Variants in LINGO2 observed in about 807,000 individuals in gnomAD.
LINGO2 encodes leucine-rich repeat and immunoglobulin-like domain-containing nogo receptor-interacting protein 2.
A neutral mutation model predicts 30.6 loss-of-function variants in LINGO2; 14 were observed. The observed-to-expected ratio is 0.46, with a 90% CI of 0.30 to 0.72. The LOEUF (loss-of-function observed/expected upper bound fraction) is 0.72, where lower values mean the gene tolerates loss of function less well. Ranked by LOEUF, LINGO2 falls within the 30% of genes least tolerant of loss-of-function variation. The pLI, the probability that LINGO2 is intolerant of heterozygous loss-of-function variation, is 0.07. For missense variants in LINGO2, 729 were observed against 751.7 expected (o/e 0.97, Z 0.35); for synonymous variants, 317 against 288.5 (o/e 1.10, Z -1.00).
chr9:28,432,136 A>C (rs1048766604), intron 2 of LINGO2, among the ~76,000 whole-genome samples: 1 of 152,166 alleles, frequency 6.6e-6, no homozygotes, highest in Admixed American at 6.6e-5. Flanking sequence ...CTGCCTGGAA[A>C]GGTCAGAAGA....
chr9:28,286,725 C>A (rs924157316), intron 4 of LINGO2, among the ~76,000 whole-genome samples: 1 of 152,106 alleles, frequency 6.6e-6, no homozygotes, highest in Non-Finnish European at 1.5e-5. Flanking sequence ...AACCAAACAC[C>A]TCATGTTCTC....
intron 4 of LINGO2, among the ~76,000 whole-genome samples, chr9:28,188,368 T>G (rs765823352): frequency 6.6e-6 from 1 of 152,184 alleles, no homozygotes; most frequent in East Asian, 1.9e-4. Context: ...CAGCAGCTCC[T>G]GACTTGCACA....
At chr9:28,372,500 C>T (rs1820942579) in intron 3 of LINGO2, among the ~76,000 whole-genome samples, 2 of 152,092 alleles carry the variant, frequency 1.3e-5, no homozygotes, top group Non-Finnish European at 2.9e-5. Flanking sequence ...GTTATAGAGG[C>T]TGGCTGTTGG....
At position 28,024,188 on chromosome 9, in the gene LINGO2, T is replaced by TAC. The variant is rs1823267824; in HGVS notation, c.-86-11785_-86-11784dup. ...AGAAATAACCATGCATTTCTGGTGA[T>TAC]ACCTTTAAGCAAATCAGCATGATTT... On this transcript the variant is annotated intron_variant, in intron 4 of 5. Transcript: ENST00000379992. 2.6e-5 allele frequency among the ~76,000 whole-genome samples: 4 copies of TAC among 152,218 alleles called. No individual in the cohort carries two copies. The South Asian group carries it at 6.2e-4, about 24-fold the overall frequency.
At chr9:28,995,125 C>T in the LINGO2 span, among the ~76,000 whole-genome samples, 3 of 151,960 alleles carry the variant, frequency 2.0e-5, no homozygotes, top group African/African-American at 7.3e-5. Flanking sequence ...ACTCATCTGA[C>T]AAAAGGCTAA....
intron 1 of LINGO2, among the ~76,000 whole-genome samples, chr9:28,604,914 T>C (rs1825637439): frequency 6.6e-6 from 1 of 152,038 alleles, no homozygotes; most frequent in African/African-American, 2.4e-5. Context: ...TAAGTACTCT[T>C]GCAAACATGC....
intron 1 of LINGO2, among the ~76,000 whole-genome samples, chr9:28,496,910 T>A (rs1053981243): frequency 3.3e-5 from 5 of 152,126 alleles, no homozygotes; most frequent in African/African-American, 9.7e-5. Flanking sequence ...TTTCTCCTTC[T>A]CTTAAGAAGC....
At chr9:28,046,362 AC>A (rs1170426354) in intron 4 of LINGO2, among the ~76,000 whole-genome samples, 1 of 152,162 alleles carries the variant, frequency 6.6e-6, no homozygotes, top group East Asian at 1.9e-4. Flanking sequence ...TAAGATTCAG[AC>A]TGGTGGACCC....
intron 4 of LINGO2, among the ~76,000 whole-genome samples, chr9:28,133,461 C>T (rs1232711317): frequency 1.3e-5 from 2 of 152,142 alleles, no homozygotes; most frequent in African/African-American, 4.8e-5. Context: ...GGAAAAAAGT[C>T]TGGACTAGAG....
At chr9:28,473,961 G>T in intron 2 of LINGO2, among the ~76,000 whole-genome samples, 1 of 152,006 alleles carries the variant, frequency 6.6e-6, no homozygotes, top group East Asian at 1.9e-4. Flanking sequence ...GCATCATTTT[G>T]AGAAAAATTC....
downstream of LINGO2, chr9:27,944,554 A>G (rs931685060): frequency 6.6e-6 from 1 of 152,146 alleles, no homozygotes; most frequent in Non-Finnish European, 1.5e-5. Flanking sequence ...TCATTCCTCA[A>G]AACTTTCTAT....
the LINGO2 span, among the ~76,000 whole-genome samples, chr9:28,897,385 A>G: frequency 6.6e-6 from 1 of 152,104 alleles, no homozygotes; most frequent in Admixed American, 6.6e-5. Flanking sequence ...AGAAATCTAC[A>G]CTTTCCAGCC....
At chr9:27,942,136 G>T in the LINGO2 span, 3 of 152,286 alleles carry the variant, frequency 2.0e-5, no homozygotes, top group South Asian at 2.1e-4. Flanking sequence ...ATGCCCATCA[G>T]GTTGAACTAT....
At chr9:28,955,697 C>G in the LINGO2 span, among the ~76,000 whole-genome samples, 1 of 152,096 alleles carries the variant, frequency 6.6e-6, no homozygotes, top group Non-Finnish European at 1.5e-5. Flanking sequence ...TTCAGGAGAA[C>G]TAAACATATA....
At chr9:28,539,551 T>C (rs1305434626) in intron 1 of LINGO2, among the ~76,000 whole-genome samples, 1 of 152,084 alleles carries the variant, frequency 6.6e-6, no homozygotes, top group Admixed American at 6.6e-5. Context: ...AACCTTGTAA[T>C]GAAATCCTCA....
At chr9:28,394,938 A>T (rs1821979633) in intron 2 of LINGO2, among the ~76,000 whole-genome samples, 1 of 152,256 alleles carries the variant, frequency 6.6e-6, no homozygotes, top group African/African-American at 2.4e-5. Flanking sequence ...AAGGTAGAAA[A>T]GATAAACTTG....
the LINGO2 span, among the ~76,000 whole-genome samples, chr9:28,994,059 G>A: frequency 6.6e-6 from 1 of 151,704 alleles, no homozygotes; most frequent in African/African-American, 2.4e-5. Context: ...ATTCAGTTAG[G>A]AAAAGAGGAA....
the LINGO2 span, among the ~76,000 whole-genome samples, chr9:28,940,288 C>G: frequency 3.9e-5 from 6 of 152,124 alleles, no homozygotes; most frequent in African/African-American, 1.4e-4. Context: ...TACCCCACTC[C>G]TCAGCCTGGC....
At chr9:28,805,186 T>C in the LINGO2 span, among the ~76,000 whole-genome samples, 1 of 152,188 alleles carries the variant, frequency 6.6e-6, no homozygotes, top group Admixed American at 6.5e-5. Flanking sequence ...ACAATATTTT[T>C]CCTTGACACA....
Sources: allele counts gnomAD v4.1 joint callset (sites outside exome capture counted in the v4.1 genomes callset), GRCh38; gene constraint gnomAD v4.1.1; transcripts MANE v1.5; gene names NCBI Gene and HGNC (gene_info 2026-07-23, HGNC 2026-07-21).